THBS4: variants seen among roughly 807,000 people sequenced by gnomAD.
The protein encoded by THBS4 is thrombospondin-4.
A neutral mutation model predicts 115.7 loss-of-function variants in THBS4; 90 were observed. The observed-to-expected ratio is 0.78, with a 90% CI of 0.66 to 0.93. THBS4 has a LOEUF of 0.93. THBS4 is among the 40% of genes least tolerant of loss of function. The probability of loss-of-function intolerance (pLI) is 0.00; values close to 1 mark genes in which losing one functional copy is unlikely to be tolerated. For synonymous variants in THBS4, 460 were observed against 479.3 expected (o/e 0.96, Z 0.53); for missense variants, 1,087 against 1,232.7 (o/e 0.88, Z 1.77).
chr5:79,997,957 C>T (rs988568838), intron 1 of THBS4, among the ~76,000 whole-genome samples: 17 of 152,120 alleles, frequency 1.1e-4, no homozygotes, highest in Non-Finnish European at 1.8e-4. Flanking sequence ...AAAAATACAA[C>T]ATTTCCTATT....
At chr5:80,032,024 C>T (rs1832595058), upstream of THBS4, among the ~76,000 whole-genome samples, 1 of 151,766 alleles carries the variant, frequency 6.6e-6, no homozygotes, top group Non-Finnish European at 1.5e-5. Context: ...CTAAGGAGCT[C>T]ACAGTTGGAT....
chr5:80,080,190 C>A, intron 20 of THBS4, 113 bp downstream of exon 20: 4 of 1,285,398 alleles, frequency 3.1e-6, no homozygotes, highest in Non-Finnish European at 4.2e-6. Flanking sequence ...TCCCCAAGGA[C>A]ATGCCAGGAC....
intron 2 of THBS4, among the ~76,000 whole-genome samples, chr5:80,027,967 T>C (rs1374337663): frequency 6.6e-6 from 1 of 151,786 alleles, no homozygotes; most frequent in Non-Finnish European, 1.5e-5. Context: ...GCAGCTCTAT[T>C]CGACCTAAAT....
chr5:80,005,876 C>T (rs1832006786), intron 2 of THBS4, among the ~76,000 whole-genome samples: 2 of 149,948 alleles, frequency 1.3e-5, no homozygotes, highest in South Asian at 2.1e-4. Flanking sequence ...AAGCAATTCT[C>T]CTGCCTCAGC....
chr5:80,058,051 G>A (rs967747567), intron 3 of THBS4, among the ~76,000 whole-genome samples, 155 bp from the exon 4 acceptor site: 6 of 152,178 alleles, frequency 3.9e-5, no homozygotes, highest in Non-Finnish European at 8.8e-5. Context: ...AGGGCTGGCA[G>A]GCTTTAGGAA....
chr5:80,035,642 C>G lies in THBS4; in HGVS notation c.88+17C>G. 7.5e-7 allele frequency: 1 copy of G among 1,330,472 alleles called. No homozygotes were observed. 82.4% of individuals were successfully genotyped at this position (1,330,472 alleles called of 1,614,324 possible). ...CCCCCCAGGGTAAGTGGGTTCGGGTCGGGCCTGGGAGCGCCGGGCACCGGG... is the reference window on the plus strand; with the variant it reads ...CCCCCCAGGGTAAGTGGGTTCGGGTGGGGCCTGGGAGCGCCGGGCACCGGG... On this transcript the variant is annotated intron_variant, in intron 1 of 21. Transcript: ENST00000350881. The surrounding 1 kb of genome is among the most constrained non-coding windows in gnomAD (Gnocchi z 4.6).
intron 2 of THBS4, among the ~76,000 whole-genome samples, chr5:80,028,932 T>A (rs148632215): frequency 7.6e-4 from 115 of 152,308 alleles, no homozygotes; most frequent in African/African-American, 2.5e-3. Flanking sequence ...ACAGCTTTAG[T>A]GAACTAATTA....
chr5:80,031,596 T>G (rs1005996058), upstream of THBS4, among the ~76,000 whole-genome samples: 8 of 152,236 alleles, frequency 5.3e-5, no homozygotes, highest in African/African-American at 1.7e-4. Context: ...CAGCTTGATC[T>G]TGGCTGGCTT....
At chr5:80,021,198 A>C (rs1323192004) in intron 2 of THBS4, among the ~76,000 whole-genome samples, 1 of 152,156 alleles carries the variant, frequency 6.6e-6, no homozygotes, top group Non-Finnish European at 1.5e-5. Context: ...AGACCATTTC[A>C]GGGGGTTCAC....
intron 21 of THBS4, among the ~76,000 whole-genome samples, chr5:80,082,849 T>A (rs896154201): frequency 1.1e-4 from 17 of 152,212 alleles, no homozygotes; most frequent in African/African-American, 4.1e-4. Context: ...TAATCACAGA[T>A]GCAAAATCCA....
chr5:80,074,296 A>AC (rs1743077756), intron 15 of THBS4: 1 of 152,034 alleles, frequency 6.6e-6, no homozygotes, highest in African/African-American at 2.4e-5. Flanking sequence ...AGTTTTGTGA[A>AC]CCCTCCTAGC....
At chr5:80,068,393 C>T in intron 10 of THBS4, 2 of 394,502 alleles carry the variant, frequency 5.1e-6, no homozygotes, top group Non-Finnish European at 9.3e-6. Flanking sequence ...TCCGGTGAAG[C>T]CCCAGCTCCC....
intron 1 of THBS4, among the ~76,000 whole-genome samples, chr5:80,036,411 G>T (rs1308883504): frequency 2.6e-5 from 4 of 152,194 alleles, no homozygotes; most frequent in African/African-American, 9.6e-5. Context: ...TACCAATTGG[G>T]TACTACGTTC....
intron 2 of THBS4, among the ~76,000 whole-genome samples, chr5:80,003,369 A>G (rs1193581669): frequency 6.6e-6 from 1 of 152,124 alleles, no homozygotes; most frequent in Non-Finnish European, 1.5e-5. Flanking sequence ...AGGAGAAGTA[A>G]GTAGGGAGAG....
chr5:80,047,244 A>G (rs907474030), intron 2 of THBS4, among the ~76,000 whole-genome samples: 48 of 152,188 alleles, frequency 3.2e-4, no homozygotes, highest in Admixed American at 3.1e-3. Flanking sequence ...TAAGAGTCCC[A>G]CTGTACTCTT....
chr5:80,032,753 C>T (rs985061986), upstream of THBS4, among the ~76,000 whole-genome samples: 5 of 152,226 alleles, frequency 3.3e-5, no homozygotes, highest in Non-Finnish European at 5.9e-5. Context: ...CTGCTTTATT[C>T]TAGCCATGCT....
chr5:80,059,486 C>T lies in THBS4; in HGVS notation c.779C>T (p.Ala260Val), dbSNP rs1580961116. The change falls in exon 6 of 22, where the codon GCT (alanine) becomes GTT (valine). Residue 260 changes from alanine (A) to valine (V), a missense_variant. By Grantham distance (64) the Ala-to-Val change is moderately conservative. Transcript: ENST00000350881. The stretch of plus-strand genomic sequence containing the variant: ...CGAAACACCATAGCTGAATGCCAGG[C>T]TTGCGGTAAGTGCTTTTCTAGTAAT... ...FLRNTIAECQ[A>V]CGPLKFQSPT... 1 of 1,614,028 alleles carries T rather than the reference C, an allele frequency of 6.2e-7. No individual in the cohort carries two copies. Among genetic ancestry groups the T allele is most frequent in the African/African-American group, 1.3e-5 (1 of 75,000 alleles).
chr5:80,012,060 A>G (rs1832138080), intron 2 of THBS4, among the ~76,000 whole-genome samples: 1 of 151,992 alleles, frequency 6.6e-6, no homozygotes, highest in African/African-American at 2.4e-5. Context: ...CTGTGCACCA[A>G]ACCCCCATGA....
chr5:80,055,711 C>T (rs1580954902), intron 2 of THBS4, 74 bp from the exon 3 acceptor site: 1 of 1,555,416 alleles, frequency 6.4e-7, no homozygotes, highest in Non-Finnish European at 8.7e-7. Context: ...GGACACTTAT[C>T]ACACCATTTG....
Sources: allele counts gnomAD v4.1 joint callset (sites outside exome capture counted in the v4.1 genomes callset), GRCh38; gene constraint gnomAD v4.1.1; non-coding constraint Gnocchi (gnomAD v3.1); transcripts MANE v1.5; gene names NCBI Gene and HGNC (gene_info 2026-07-23, HGNC 2026-07-21).